Variants in NEDD4L observed in about 807,000 individuals in gnomAD.
NEDD4L encodes the protein NEDD4 like E3 ubiquitin protein ligase.
Under a neutral mutation model 148.9 loss-of-function variants are expected in NEDD4L, and 54 were observed. The observed-to-expected ratio is 0.36, with a 90% CI of 0.29 to 0.45. The LOEUF (loss-of-function observed/expected upper bound fraction) is 0.45, where lower values mean the gene tolerates loss of function less well. Ranked by LOEUF, NEDD4L falls within the 20% of genes least tolerant of loss-of-function variation. The probability of loss-of-function intolerance (pLI) is 1.00; values close to 1 mark genes in which losing one functional copy is unlikely to be tolerated. For synonymous variants in NEDD4L, 433 were observed against 440.7 expected, an observed-to-expected ratio of 0.98 and a Z score of 0.22; for missense variants, 856 against 1,233.8, an observed-to-expected ratio of 0.69 and a Z score of 4.59.
intron 1 of NEDD4L, among the ~76,000 whole-genome samples, chr18:58,055,813 A>G (rs937075855): frequency 3.3e-5 from 5 of 152,174 alleles, no homozygotes; most frequent in Non-Finnish European, 7.3e-5. Context: ...CGTGAAAGTA[A>G]TTTACATTGC....
At position 58,065,510 on chromosome 18, in the gene NEDD4L, A is replaced by G. The variant is rs150395049; in HGVS notation, c.48+20802A>G. 4.2e-3 allele frequency among the ~76,000 whole-genome samples: 647 copies of G among 152,294 alleles called. 4 individuals are homozygous for G. The highest frequency in any genetic ancestry group is 0.014 in the South Asian group (68 of 4,832). ...TTCCATTTGCTTTTCTTAGCCAGTGATGACAGTAAAATAAGGAACGACCTA... is the reference window on the plus strand; with the variant it reads ...TTCCATTTGCTTTTCTTAGCCAGTGGTGACAGTAAAATAAGGAACGACCTA... On this transcript the variant is annotated intron_variant, in intron 1 of 30. Coordinates refer to ENST00000400345, the MANE Select transcript of NEDD4L (RefSeq NM_001144967.3).
At chr18:58,115,983 A>G (rs893837964) in intron 1 of NEDD4L, among the ~76,000 whole-genome samples, 1 of 152,174 alleles carries the variant, frequency 6.6e-6, no homozygotes, top group African/African-American at 2.4e-5. Context: ...AGGCGTGTTT[A>G]GGCCTGATGA....
chr18:58,214,543 C>G (rs2042936497), intron 2 of NEDD4L, among the ~76,000 whole-genome samples: 1 of 151,762 alleles, frequency 6.6e-6, no homozygotes, highest in Non-Finnish European at 1.5e-5. Context: ...ATAGGTGGTG[C>G]TCTTAAAAGA....
At chr18:58,266,704 T>C (rs1206310576) in intron 5 of NEDD4L, among the ~76,000 whole-genome samples, 1 of 152,166 alleles carries the variant, frequency 6.6e-6, no homozygotes, top group African/African-American at 2.4e-5. Flanking sequence ...GGAGAACTTG[T>C]GGTTGAAAAT....
chr18:58,109,240 G>A (rs956655279), intron 1 of NEDD4L, among the ~76,000 whole-genome samples: 1 of 152,314 alleles, frequency 6.6e-6, no homozygotes, highest in Middle Eastern at 3.4e-3. Flanking sequence ...TACAATTCAG[G>A]TGTGTTCAGG....
At chr18:58,233,948 GCC>G (rs2045570569) in intron 2 of NEDD4L, among the ~76,000 whole-genome samples, 1 of 40,284 alleles carries the variant, frequency 2.5e-5, no homozygotes, top group Non-Finnish European at 4.9e-5. Flanking sequence ...TTTCCTCTGT[GCC>G]TGTGCCTGTT....
intron 5 of NEDD4L, among the ~76,000 whole-genome samples, chr18:58,305,617 A>G (rs930826404): frequency 8.6e-5 from 13 of 152,004 alleles, no homozygotes; most frequent in African/African-American, 2.9e-4. Context: ...GGAGGCCCAT[A>G]CTCTCTGCCT....
intron 1 of NEDD4L, among the ~76,000 whole-genome samples, chr18:58,154,088 T>C (rs903749911): frequency 6.1e-4 from 93 of 152,302 alleles, no homozygotes; most frequent in African/African-American, 2.1e-3. Context: ...AAAAAATGAA[T>C]AAAATATTCA....
rs1022010986 is a variant in NEDD4L at position 58,358,226 on chromosome 18, T to G, written c.1767+974T>G. Among the ~76,000 whole-genome samples, 98 of 152,326 alleles carry G rather than the reference T, an allele frequency of 6.4e-4. 1 individual carries two copies. The highest frequency in any genetic ancestry group is 9.0e-4 in the Non-Finnish European group (61 of 68,022). On this transcript the variant is annotated intron_variant, in intron 19 of 30. Transcript: ENST00000400345. Reference sequence around the variant, plus strand: ...ATACTACATTGCAAATGTGCCCCGGTAACTGACTCCTGTTAGTTACTTGTT... The same window carrying G: ...ATACTACATTGCAAATGTGCCCCGGGAACTGACTCCTGTTAGTTACTTGTT...
chr18:58,285,958 A>C (rs1050864215), intron 5 of NEDD4L, among the ~76,000 whole-genome samples: 2 of 152,182 alleles, frequency 1.3e-5, no homozygotes, highest in Admixed American at 1.3e-4. Flanking sequence ...CTCACCTATG[A>C]AAAGAATTTA....
At chr18:58,162,162 C>T (rs1317013109) in intron 1 of NEDD4L, among the ~76,000 whole-genome samples, 1 of 152,178 alleles carries the variant, frequency 6.6e-6, no homozygotes, top group Non-Finnish European at 1.5e-5. Context: ...CCTGTTCCCT[C>T]ACAGCAGCCA....
chr18:58,119,139 G>A (rs1053233105), intron 1 of NEDD4L, among the ~76,000 whole-genome samples: 1 of 152,124 alleles, frequency 6.6e-6, no homozygotes, highest in Non-Finnish European at 1.5e-5. Context: ...AAGCTCTCAG[G>A]CTCTGCAGTC....
At chr18:58,274,929 A>C (rs961220883) in intron 5 of NEDD4L, among the ~76,000 whole-genome samples, 3 of 152,220 alleles carry the variant, frequency 2.0e-5, no homozygotes, top group Non-Finnish European at 1.5e-5. Flanking sequence ...GATTTAACTA[A>C]GTTTGCTATA....
chr18:58,357,477 C>T (rs745374901), intron 19 of NEDD4L: 29 of 682,942 alleles, frequency 4.2e-5, no homozygotes, highest in South Asian at 1.8e-4. Context: ...AGCTTGATAA[C>T]GACAGCAGAA....
intron 1 of NEDD4L, among the ~76,000 whole-genome samples, chr18:58,129,661 T>A (rs2031728837): frequency 6.6e-6 from 1 of 152,230 alleles, no homozygotes; most frequent in Non-Finnish European, 1.5e-5. Flanking sequence ...ATAGGGACCT[T>A]GTGATCTCAG....
intron 5 of NEDD4L, among the ~76,000 whole-genome samples, chr18:58,271,259 G>A (rs898849595): frequency 2.6e-5 from 4 of 151,772 alleles, no homozygotes; most frequent in Non-Finnish European, 4.4e-5. Context: ...TAGGGTTAAT[G>A]AATTTCCTAC....
At chr18:58,076,130 A>G (rs2083143601) in intron 1 of NEDD4L, among the ~76,000 whole-genome samples, 1 of 152,182 alleles carries the variant, frequency 6.6e-6, no homozygotes, top group African/African-American at 2.4e-5. Flanking sequence ...CTCAGTGAAA[A>G]TGTTGCTGTT....
chr18:58,104,890 AC>A (rs2084978202), intron 1 of NEDD4L, among the ~76,000 whole-genome samples: 1 of 145,390 alleles, frequency 6.9e-6, no homozygotes, highest in Non-Finnish European at 1.5e-5. Context: ...CACATCCCAT[AC>A]CCATTACAGC....
chr18:58,094,052 A>G (rs1023501281), intron 1 of NEDD4L, among the ~76,000 whole-genome samples: 1 of 152,156 alleles, frequency 6.6e-6, no homozygotes, highest in Non-Finnish European at 1.5e-5. Context: ...GATTGGCATA[A>G]GTCACTCTCT....
Sources: gnomAD v4.1 joint callset for allele counts (sites outside exome capture counted in the v4.1 genomes callset) on GRCh38, gnomAD v4.1.1 for gene constraint, MANE v1.5 for transcripts, NCBI Gene and HGNC (gene_info 2026-07-23, HGNC 2026-07-21) for gene names.